Variants in KIAA1671 observed in about 807,000 individuals in gnomAD.
KIAA1671 encodes KIAA1671, also known as uncharacterized protein KIAA1671.
A neutral mutation model predicts 131.2 loss-of-function variants in KIAA1671; 52 were observed. The ratio of observed to expected loss-of-function variants is 0.40; its 90% CI spans 0.32 to 0.50. KIAA1671 has a LOEUF of 0.50. KIAA1671 is among the 20% of genes least tolerant of loss of function. KIAA1671 has a pLI of 0.73. For synonymous variants in KIAA1671, 1,003 were observed against 961.6 expected (o/e 1.04, Z -0.80); for missense variants, 2,360 against 2,364.2 (o/e 1.00, Z 0.04).
intron 6 of KIAA1671, among the ~76,000 whole-genome samples, chr22:25,167,811 T>C (rs1933695910): frequency 6.6e-6 from 1 of 152,150 alleles, no homozygotes; most frequent in South Asian, 2.1e-4. Context: ...CCCACGAACA[T>C]CATGGGGTAC....
At chr22:25,140,986 C>G (rs947076176) in intron 6 of KIAA1671, among the ~76,000 whole-genome samples, 1 of 152,124 alleles carries the variant, frequency 6.6e-6, no homozygotes, top group Non-Finnish European at 1.5e-5. Flanking sequence ...TGTGGAACTT[C>G]CTACAAGGCC....
At chr22:25,115,591 G>C (rs1931610883) in intron 6 of KIAA1671, among the ~76,000 whole-genome samples, 1 of 152,052 alleles carries the variant, frequency 6.6e-6, no homozygotes. Flanking sequence ...GCTTTTTGGG[G>C]GGCTCAGACT....
At chr22:25,183,447 TCCC>T (rs1934360717) in intron 10 of KIAA1671, among the ~76,000 whole-genome samples, 1 of 53,154 alleles carries the variant, frequency 1.9e-5, no homozygotes, top group African/African-American at 8.2e-5. Flanking sequence ...CCTCCCTCCC[TCCC>T]TCCCTCCCTC....
intron 6 of KIAA1671, among the ~76,000 whole-genome samples, chr22:25,098,582 C>T (rs899307875): frequency 3.6e-5 from 5 of 139,470 alleles, no homozygotes; most frequent in Admixed American, 7.8e-5. Flanking sequence ...ATCAAGGCTG[C>T]GTAGGATCTG....
intron 1 of KIAA1671, among the ~76,000 whole-genome samples, chr22:24,967,950 G>GCA (rs1922392879): frequency 1.3e-5 from 2 of 152,120 alleles, no homozygotes; most frequent in Admixed American, 6.5e-5. Context: ...CCGAGATCAT[G>GCA]CCACTGCACT....
chr22:25,172,118 T>G (rs1568991172), intron 7 of KIAA1671, among the ~76,000 whole-genome samples: 1 of 152,164 alleles, frequency 6.6e-6, no homozygotes, highest in Non-Finnish European at 1.5e-5. Flanking sequence ...TTACTTAAAT[T>G]TATCTAGAAT....
Position 25,174,282 on chromosome 22 carries a change from G to GA in KIAA1671, c.4695dup (p.Gln1566ThrfsTer24). On this transcript the variant is annotated frameshift_variant, in exon 8 of 13. Coordinates refer to ENST00000358431, the MANE Select transcript of KIAA1671 (RefSeq NM_001145206.2). LOFTEE classifies it high-confidence loss of function. ...CAGATAGCAGTGCCACATCGACAAG[G>GA]AAACAGCCCCCCAGCAGCCGTTTGT... 8.4e-6 allele frequency: 13 copies of GA among 1,551,688 alleles called. No homozygotes were observed. The highest frequency in any genetic ancestry group is 1.1e-5 in the Non-Finnish European group (13 of 1,147,004).
intron 1 of KIAA1671, among the ~76,000 whole-genome samples, chr22:25,021,418 TTC>T (rs1925658682): frequency 6.6e-6 from 1 of 152,084 alleles, no homozygotes; most frequent in African/African-American, 2.4e-5. Flanking sequence ...CTTTCTCACA[TTC>T]TCTCTTTTTC....
At chr22:24,961,576 A>G (rs1437609150) in intron 1 of KIAA1671, among the ~76,000 whole-genome samples, 1 of 152,150 alleles carries the variant, frequency 6.6e-6, no homozygotes, top group African/African-American at 2.4e-5. Context: ...GTGAATCTTC[A>G]TCCAGATTCA....
At chr22:24,976,280 C>G (rs1922908485) in intron 1 of KIAA1671, among the ~76,000 whole-genome samples, 1 of 152,228 alleles carries the variant, frequency 6.6e-6, no homozygotes, top group South Asian at 2.1e-4. Flanking sequence ...CTGGATGTTC[C>G]TGCCTTTCTT....
chr22:25,078,528 C>T (rs1057073521), intron 6 of KIAA1671, among the ~76,000 whole-genome samples: 1 of 152,038 alleles, frequency 6.6e-6, no homozygotes, highest in Non-Finnish European at 1.5e-5. Flanking sequence ...GACCCTGTCT[C>T]AAAAAGAAGT....
intron 2 of KIAA1671, among the ~76,000 whole-genome samples, chr22:25,026,415 G>A (rs1925945255): frequency 1.3e-5 from 2 of 152,142 alleles, no homozygotes; most frequent in Non-Finnish European, 2.9e-5. Context: ...GACCAGAAAG[G>A]AATAAAAAAT....
At chr22:25,000,195 T>G (rs1220609181) in intron 1 of KIAA1671, among the ~76,000 whole-genome samples, 1 of 73,580 alleles carries the variant, frequency 1.4e-5, no homozygotes, top group Non-Finnish European at 2.8e-5. Context: ...TTTTTTTTTT[T>G]TTTTTTTTTT....
chr22:25,039,728 G>A lies in KIAA1671; in HGVS notation c.2598G>A (p.Gly866=). ...AAAGCCAGCATGAGGGGCCAGAGGG[G>A]GCCAGAAGCAAGCCAGGAGTGGGAG... ...IWESQHEGPE[G]ARSKPGVGAR... is the part of the protein sequence containing the mutation. The change falls in exon 5 of 13, where the codon GGG becomes GGA. Residue 866 remains glycine, a synonymous_variant. Coordinates refer to ENST00000358431, the MANE Select transcript of KIAA1671 (RefSeq NM_001145206.2). 1.3e-6 allele frequency: 2 copies of A among 1,502,900 alleles called. No individual in the cohort carries two copies. Among genetic ancestry groups the A allele is most frequent in the Non-Finnish European group, 1.8e-6 (2 of 1,120,610 alleles). The allele number at this position is 1,502,900 out of a possible 1,614,324, so 93.1% of individuals were successfully genotyped here.
At chr22:25,143,968 C>T (rs1427505726) in intron 6 of KIAA1671, among the ~76,000 whole-genome samples, 2 of 151,160 alleles carry the variant, frequency 1.3e-5, no homozygotes, top group South Asian at 2.1e-4. Context: ...TCCAGGAGTT[C>T]GAGACCAGCC....
chr22:25,185,109 A>G lies in KIAA1671; in HGVS notation c.5332A>G (p.Lys1778Glu). ...TCGCGTGCTGCCTTCCAGCATGGAC[A>G]AGGATGAGAGGTGAGGGGTCTTGGG... ...GSRVLPSSMDKDERSDEPSPQ... is the reference protein window; with the variant it reads ...GSRVLPSSMDEDERSDEPSPQ... The change falls in exon 11 of 13, where the codon AAG becomes GAG. Residue 1778 changes from lysine to glutamate, a missense_variant. Transcript: ENST00000358431. The G allele has an allele frequency of 6.4e-7, 1 of 1,550,746 alleles. No individual in the cohort carries two copies. Among genetic ancestry groups the G allele is most frequent in the Non-Finnish European group, 8.7e-7 (1 of 1,146,468 alleles).
chr22:25,030,942 C>A (rs927271728), intron 3 of KIAA1671, among the ~76,000 whole-genome samples: 1 of 152,214 alleles, frequency 6.6e-6, no homozygotes, highest in Non-Finnish European at 1.5e-5. Context: ...TTAGAATAAC[C>A]GGAAAAAATA....
At chr22:24,985,078 G>C (rs11090362) in intron 1 of KIAA1671, among the ~76,000 whole-genome samples, 4 of 151,738 alleles carry the variant, frequency 2.6e-5, no homozygotes, top group Non-Finnish European at 4.4e-5. Context: ...CTGTCTCTCT[G>C]ATTTTTTGGA....
intron 6 of KIAA1671, among the ~76,000 whole-genome samples, chr22:25,150,836 C>CTCTTTTTTTTTT (rs1933010854): frequency 7.9e-6 from 1 of 125,924 alleles, no homozygotes; most frequent in Non-Finnish European, 1.7e-5. Context: ...GGGTCCTTTG[C>CTCTTTTTTTTTT]TTTTTTTTTT....
Sources: allele counts gnomAD v4.1 joint callset (sites outside exome capture counted in the v4.1 genomes callset), GRCh38; gene constraint gnomAD v4.1.1; transcripts MANE v1.5; gene names NCBI Gene and HGNC (gene_info 2026-07-23, HGNC 2026-07-21).